Variants in FKBP15 observed in about 807,000 individuals in gnomAD.
FKBP15 encodes FKBP prolyl isomerase family member 15, also known as FK506-binding protein 15.
A neutral mutation model predicts 158.1 loss-of-function variants in FKBP15; 106 were observed. That is an observed-to-expected ratio of 0.67 (90% CI 0.57 to 0.79). The LOEUF (loss-of-function observed/expected upper bound fraction) is 0.79, where lower values mean the gene tolerates loss of function less well. Among genes scored for constraint, FKBP15 ranks in the 30% least tolerant of loss-of-function variants. FKBP15 has a pLI of 0.00. For synonymous variants in FKBP15, 547 were observed against 548.6 expected (o/e 1.00, Z 0.04); for missense variants, 1,287 against 1,479.1 (o/e 0.87, Z 2.13).
Position 113,169,524 on chromosome 9 carries a change from A to C in FKBP15, c.3185T>G (p.Leu1062Arg). 6.2e-7 allele frequency: 1 copy of C among 1,614,048 alleles called. No homozygotes were observed. Among genetic ancestry groups the C allele is most frequent in the Non-Finnish European group, 8.5e-7 (1 of 1,179,888 alleles). Residue 1062 changes from leucine (L) to arginine (R), a missense_variant, in exon 26 of 28, where the codon CTT becomes CGT. Leu to Arg is a moderately radical substitution (Grantham distance 102, BLOSUM62 -2). Transcript: ENST00000238256. ...VSMDSECEESLAASPMAAKPD... is the reference protein window; with the variant it reads ...VSMDSECEESRAASPMAAKPD... Reference sequence around the variant, plus strand: ...CTTAGCTGCCATTGGGCTGGCAGCAAGTGACTCCTCACACTCAGAGTCCAT... The same window carrying C: ...CTTAGCTGCCATTGGGCTGGCAGCACGTGACTCCTCACACTCAGAGTCCAT...
At position 113,169,455 on chromosome 9, in the gene FKBP15, G is replaced by T. The variant is rs995174390; in HGVS notation, c.3254C>A (p.Pro1085Gln). Residue 1085 changes from proline (P) to glutamine (Q), a missense_variant, in exon 26 of 28, where the codon CCA becomes CAA. Physicochemically the swap from Pro to Gln is moderately conservative, Grantham distance 76. Coordinates refer to ENST00000238256, the MANE Select transcript of FKBP15 (RefSeq NM_015258.2). Reference sequence around the variant, plus strand: ...GGAGCTTTCTTGTAGTGGGCCATCTGGTGCTACTTCCCTGACACAGACCTT... The same window carrying T: ...GGAGCTTTCTTGTAGTGGGCCATCTTGTGCTACTTCCCTGACACAGACCTT... ...SGKVCVREVAPDGPLQESSTR... is the reference protein window; with the variant it reads ...SGKVCVREVAQDGPLQESSTR... The T allele has an allele frequency of 8.1e-6, 13 of 1,614,054 alleles. No homozygotes were observed. Among genetic ancestry groups the T allele is most frequent in the Non-Finnish European group, 1.1e-5 (13 of 1,179,914 alleles).
Position 113,162,681 on chromosome 9 carries a change from A to C in FKBP15, c.*3397T>G. 2.1e-6 allele frequency: 3 copies of C among 1,434,548 alleles called. No homozygotes were observed. The highest frequency in any genetic ancestry group is 1.3e-5 in the South Asian group (1 of 78,342). 88.9% of individuals were successfully genotyped at this position (1,434,548 alleles called of 1,614,324 possible). The stretch of plus-strand genomic sequence containing the variant: ...TAACTCAACAGCTTTCTACTCCCTG[A>C]TATCTACTCCCAGCTTCCTCATTAC... On this transcript the variant is annotated 3_prime_UTR_variant, in exon 28 of 28. Transcript: ENST00000238256.
Position 113,162,124 on chromosome 9 carries a change from C to T in FKBP15, c.*3954G>A, listed in dbSNP as rs368310236. Reference sequence around the variant, plus strand: ...AGCTCTCCTCTCCTCCCTTCCCACTCGAATCAGGCAACCATTTAGGGTCCC... The same window carrying T: ...AGCTCTCCTCTCCTCCCTTCCCACTTGAATCAGGCAACCATTTAGGGTCCC... On this transcript the variant is annotated 3_prime_UTR_variant, in exon 28 of 28. Coordinates refer to ENST00000238256, the MANE Select transcript of FKBP15 (RefSeq NM_015258.2). 2.0e-4 allele frequency: 68 copies of T among 331,826 alleles called. 1 individual carries two copies. Among genetic ancestry groups the T allele is most frequent in the African/African-American group, 1.2e-3 (53 of 45,978 alleles). The allele number at this position is 331,826 out of a possible 1,614,324, so 20.6% of individuals were successfully genotyped here.
At chr9:113,182,698 A>T in intron 19 of FKBP15, 68 bp downstream of exon 19, 1 of 1,246,694 alleles carries the variant, frequency 8.0e-7, no homozygotes, top group Non-Finnish European at 1.2e-6. Context: ...ACTGGTGAGT[A>T]TGTACATGGG....
At chr9:113,219,176 C>T (rs1029783500) in intron 1 of FKBP15, among the ~76,000 whole-genome samples, 1 of 152,142 alleles carries the variant, frequency 6.6e-6, no homozygotes, top group Non-Finnish European at 1.5e-5. Flanking sequence ...CTCCTGATTA[C>T]TACTTCTAGA....
At position 113,168,478 on chromosome 9, in the gene FKBP15, C is replaced by T. The variant is rs758198255; in HGVS notation, c.3564G>A (p.Glu1188=). 6.2e-7 allele frequency: 1 copy of T among 1,613,980 alleles called. No individual in the cohort carries two copies. Among genetic ancestry groups the T allele is most frequent in the Non-Finnish European group, 8.5e-7 (1 of 1,179,846 alleles). Residue 1188 remains glutamate, a synonymous_variant, in exon 27 of 28, where the codon GAG becomes GAA. Transcript: ENST00000238256. Reference sequence around the variant, plus strand: ...TCCTTACCACCTCGTCTTCATCCTCCTCCTCAGGCTGTGCTTTGGGCCTCA... The same window carrying T: ...TCCTTACCACCTCGTCTTCATCCTCTTCCTCAGGCTGTGCTTTGGGCCTCA... The part of the protein sequence containing the change: ...KALRPKAQPE[E]EDEDEVSMKG...
At chr9:113,210,001 AC>A in intron 2 of FKBP15, among the ~76,000 whole-genome samples, 1 of 152,322 alleles carries the variant, frequency 6.6e-6, no homozygotes, top group Non-Finnish European at 1.5e-5. Context: ...CCTACAGCTA[AC>A]CTGTCCAGAT....
Position 113,184,589 on chromosome 9 carries a change from C to T in FKBP15, c.1608+106G>A. The T allele has an allele frequency of 1.0e-6, 1 of 993,294 alleles. No homozygotes were observed. The highest frequency in any genetic ancestry group is 2.6e-5 in the East Asian group (1 of 38,262). 61.5% of individuals were successfully genotyped at this position (993,294 alleles called of 1,614,324 possible). A position where few individuals can be genotyped will look rare whatever the true frequency, so the allele number is the denominator to read the frequency against. On this transcript the variant is annotated intron_variant, in intron 16 of 27. Coordinates refer to ENST00000238256, the MANE Select transcript of FKBP15 (RefSeq NM_015258.2). This position sits in a 1 kb window ranked among gnomAD's most constrained non-coding sequence, Gnocchi z 4.5. ...AACTATCCTTGTAGGGAAATAACCT[C>T]TCACTACTACCAATGCAGGAAATCA...
At chr9:113,206,858 A>G (rs1220622826) in intron 3 of FKBP15, 2 of 456,850 alleles carry the variant, frequency 4.4e-6, no homozygotes, top group African/African-American at 2.0e-5. Context: ...CTGGGATTAC[A>G]GGAGTGCGCC....
chr9:113,179,273 C>A (rs1344402708), intron 19 of FKBP15, among the ~76,000 whole-genome samples: 1 of 151,960 alleles, frequency 6.6e-6, no homozygotes, highest in African/African-American at 2.4e-5. Context: ...TTCACTGTAC[C>A]CACTTGTTTT....
intron 21 of FKBP15, among the ~76,000 whole-genome samples, chr9:113,174,809 G>T (rs1830273558): frequency 2.1e-5 from 1 of 48,106 alleles, no homozygotes. Context: ...TCTATTAAGA[G>T]CTAGGGAAAT....
At chr9:113,174,732 A>C in intron 21 of FKBP15, 149 bp from the exon 22 acceptor site, 1 of 865,040 alleles carries the variant, frequency 1.2e-6, no homozygotes, top group Non-Finnish European at 1.7e-6. Flanking sequence ...AATATTTAAC[A>C]TTCTTGGCTA....
Position 113,187,860 on chromosome 9 carries a change from G to A in FKBP15, c.1316C>T (p.Ala439Val). ...GAGAGATGACACTTGCATTAAGGCAGCAGAAGGTGCCTGGAGCCCAGTAAC... is the reference window on the plus strand; with the variant it reads ...GAGAGATGACACTTGCATTAAGGCAACAGAAGGTGCCTGGAGCCCAGTAAC... The part of the protein sequence containing the change: ...PSVTGLQAPS[A>V]ALMQVSSLDS... The change falls in exon 14 of 28, where the codon GCT (alanine) becomes GTT (valine). Residue 439 changes from alanine to valine, a missense_variant. Ala to Val is a moderately conservative substitution (Grantham distance 64, BLOSUM62 0). Coordinates refer to ENST00000238256, the MANE Select transcript of FKBP15 (RefSeq NM_015258.2). 2 of 1,613,906 alleles carry A rather than the reference G, an allele frequency of 1.2e-6. No individual in the cohort carries two copies. The highest frequency in any genetic ancestry group is 2.2e-5 in the East Asian group (1 of 44,886).
intron 2 of FKBP15, among the ~76,000 whole-genome samples, chr9:113,210,332 C>CTTTTTTTTTTT (rs35201179): frequency 2.6e-5 from 3 of 114,740 alleles, no homozygotes; most frequent in African/African-American, 6.8e-5. Flanking sequence ...GTTGTGATGG[C>CTTTTTTTTTTT]TTTTTTTTTT....
At position 113,211,594 on chromosome 9, in the gene FKBP15, T is replaced by G. The variant is rs1370140112; in HGVS notation, c.54-2A>C. ...CCAAAAAGTGAGGCCAATCTGGCACTGTTAGTAGAAAATGAAAAATGAAAT... is the reference window on the plus strand; with the variant it reads ...CCAAAAAGTGAGGCCAATCTGGCACGGTTAGTAGAAAATGAAAAATGAAAT... On this transcript the variant is annotated splice_acceptor_variant, in intron 1 of 27. Transcript: ENST00000238256. LOFTEE classifies it high-confidence loss of function. 4.4e-6 allele frequency: 7 copies of G among 1,582,950 alleles called. No homozygotes were observed. The highest frequency in any genetic ancestry group is 1.2e-5 in the South Asian group (1 of 86,642).
At chr9:113,178,570 A>C in intron 20 of FKBP15, 60 bp downstream of exon 20, 1 of 1,489,584 alleles carries the variant, frequency 6.7e-7, no homozygotes, top group Non-Finnish European at 9.0e-7. Flanking sequence ...GAGGAAGAAA[A>C]CAGCTTAATT....
intron 9 of FKBP15, among the ~76,000 whole-genome samples, chr9:113,195,642 A>T (rs1830662272): frequency 6.6e-6 from 1 of 152,220 alleles, no homozygotes; most frequent in African/African-American, 2.4e-5. Context: ...CACAGTGAAG[A>T]TGACCATAAT....
Position 113,162,941 on chromosome 9 carries a change from G to C in FKBP15, c.*3137C>G. 4 of 1,565,268 alleles carry C rather than the reference G, an allele frequency of 2.6e-6. No homozygotes were observed. The highest frequency in any genetic ancestry group is 3.5e-6 in the Non-Finnish European group (4 of 1,155,464). On this transcript the variant is annotated 3_prime_UTR_variant, in exon 28 of 28. Coordinates refer to ENST00000238256, the MANE Select transcript of FKBP15 (RefSeq NM_015258.2). ...AGCTGGTGAGGAACGTGCAGGCACTGAGGCTGGAGGGACATGGAGCCCCCT... is the reference window on the plus strand; with the variant it reads ...AGCTGGTGAGGAACGTGCAGGCACTCAGGCTGGAGGGACATGGAGCCCCCT...
intron 9 of FKBP15, among the ~76,000 whole-genome samples, chr9:113,194,796 T>G (rs1830639499): frequency 6.6e-6 from 1 of 152,222 alleles, no homozygotes; most frequent in African/African-American, 2.4e-5. Flanking sequence ...GGGTCAGCCC[T>G]TCACTGTTAT....
Sources: allele counts gnomAD v4.1 joint callset (sites outside exome capture counted in the v4.1 genomes callset), GRCh38; gene constraint gnomAD v4.1.1; non-coding constraint Gnocchi (gnomAD v3.1); transcripts MANE v1.5; gene names NCBI Gene and HGNC (gene_info 2026-07-23, HGNC 2026-07-21).